The following NRG3 variants were observed in gnomAD, a reference collection of about 807,000 sequenced individuals.
The protein encoded by NRG3 is neuregulin 3.
Under a neutral mutation model 66.9 loss-of-function variants are expected in NRG3, and 31 were observed. The ratio of observed to expected loss-of-function variants is 0.46; its 90% confidence interval spans 0.35 to 0.63. NRG3 has a LOEUF of 0.63. Among genes scored for constraint, NRG3 ranks in the 20% least tolerant of loss-of-function variants. NRG3 has a pLI of 0.00. For synonymous variants in NRG3, 393 were observed against 359.4 expected (o/e 1.09, Z -1.06); for missense variants, 910 against 878.9 (o/e 1.04, Z -0.45).
At chr10:82,774,821 C>CTTT (rs992021420) in intron 3 of NRG3, among the ~76,000 whole-genome samples, 68 of 77,992 alleles carry the variant, frequency 8.7e-4, no homozygotes, top group East Asian at 2.1e-3. Flanking sequence ...TTTCTTTTTT[C>CTTT]TTTTTTTTTT....
intron 2 of NRG3, among the ~76,000 whole-genome samples, chr10:82,702,215 G>T (rs2134300424): frequency 6.6e-6 from 1 of 152,278 alleles, no homozygotes; most frequent in African/African-American, 2.4e-5. Context: ...AGTTTCTCTT[G>T]TCACACACTG....
In NRG3 at chr10:82,254,040, G is replaced by A. The variant is rs187121236; in HGVS notation, c.824-104699G>A. ...TATCACATTCACAGTTTTTCACGAA[G>A]CCCCCTCTACCCCTGTCTGTTGTGA... On this transcript the variant is annotated intron_variant, in intron 1 of 8. Coordinates refer to ENST00000372141, the MANE Select transcript of NRG3 (RefSeq NM_001010848.4). Among the ~76,000 whole-genome samples the A allele has an allele frequency of 7.8e-4, 119 of 152,234 alleles. 1 individual carries two copies. The highest frequency in any genetic ancestry group is 2.1e-3 in the Admixed American group (32 of 15,282).
intron 1 of NRG3, among the ~76,000 whole-genome samples, chr10:82,004,891 CT>C (rs1450120702): frequency 6.6e-6 from 1 of 152,174 alleles, no homozygotes; most frequent in Admixed American, 6.5e-5. Flanking sequence ...GACTTCTAGC[CT>C]CCAACATTGT....
At chr10:82,204,526 T>A (rs2075017956) in intron 1 of NRG3, among the ~76,000 whole-genome samples, 1 of 152,184 alleles carries the variant, frequency 6.6e-6, no homozygotes, top group African/African-American at 2.4e-5. Flanking sequence ...ACTGGCAGCA[T>A]GTTCCTATTA....
chr10:82,330,373 TTCTC>T (rs1293968849), intron 1 of NRG3, among the ~76,000 whole-genome samples: 2 of 144,706 alleles, frequency 1.4e-5, no homozygotes, highest in African/African-American at 2.6e-5. Flanking sequence ...TAATATGTTT[TTCTC>T]TCTATTTGTT....
chr10:82,120,993 T>C (rs996342329), intron 1 of NRG3, among the ~76,000 whole-genome samples: 2 of 152,102 alleles, frequency 1.3e-5, no homozygotes, highest in Non-Finnish European at 2.9e-5. Context: ...TTTGAAGCAG[T>C]ACGATCAAAA....
chr10:82,639,375 G>C (rs1213359319), intron 2 of NRG3, among the ~76,000 whole-genome samples: 2 of 152,054 alleles, frequency 1.3e-5, no homozygotes, highest in Non-Finnish European at 2.9e-5. Flanking sequence ...ACTTCCCAAG[G>C]CTCCACCTTT....
At chr10:82,971,009 C>A (rs557441544) in intron 6 of NRG3, among the ~76,000 whole-genome samples, 2 of 152,240 alleles carry the variant, frequency 1.3e-5, no homozygotes, top group South Asian at 4.1e-4. Flanking sequence ...GTGAGCATTT[C>A]AGGAGGCTTC....
chr10:82,357,702 C>T (rs1012775276), intron 1 of NRG3, among the ~76,000 whole-genome samples: 2 of 152,120 alleles, frequency 1.3e-5, no homozygotes, highest in Non-Finnish European at 2.9e-5. Flanking sequence ...TCCTGATTAC[C>T]TCCCAAAGGG....
intron 2 of NRG3, among the ~76,000 whole-genome samples, chr10:82,385,442 G>A (rs957707925): frequency 5.9e-5 from 9 of 152,160 alleles, no homozygotes; most frequent in African/African-American, 1.7e-4. Flanking sequence ...TACTTCTTGA[G>A]CAAATATTGT....
chr10:82,142,516 T>C (rs1053146900), intron 1 of NRG3, among the ~76,000 whole-genome samples: 2 of 152,238 alleles, frequency 1.3e-5, no homozygotes, highest in Admixed American at 6.6e-5. Flanking sequence ...TTTTCACTTA[T>C]CAGTTTACAC....
intron 1 of NRG3, among the ~76,000 whole-genome samples, chr10:82,277,567 A>T (rs1407930340): frequency 6.6e-6 from 1 of 152,026 alleles, no homozygotes; most frequent in Non-Finnish European, 1.5e-5. Flanking sequence ...AGTAGTGGCT[A>T]ATGTAACCTC....
In NRG3 at chr10:82,390,115, A is replaced by C. The variant is rs184103383; in HGVS notation, c.953+31247A>C. Among the ~76,000 whole-genome samples the C allele has an allele frequency of 2.7e-4, 41 of 152,312 alleles. No homozygotes were observed. In the South Asian group the frequency reaches 8.1e-3, roughly 30 times the overall value. On this transcript the variant is annotated intron_variant, in intron 2 of 8. Transcript: ENST00000372141. ...TTTTATGGGAATAAAACAAGAGTACAAACCTATCTGTCCACTAGTGGTATT... is the reference window on the plus strand; with the variant it reads ...TTTTATGGGAATAAAACAAGAGTACCAACCTATCTGTCCACTAGTGGTATT...
At chr10:81,877,938 CT>C in intron 1 of NRG3, 1 of 1,537,386 alleles carries the variant, frequency 6.5e-7, no homozygotes, top group Non-Finnish European at 8.7e-7. Flanking sequence ...TTGATCTGCT[CT>C]TTTGATGCAG....
chr10:81,977,620 C>T (rs998672712), intron 1 of NRG3, among the ~76,000 whole-genome samples: 4 of 152,130 alleles, frequency 2.6e-5, no homozygotes, highest in Non-Finnish European at 4.4e-5. Flanking sequence ...TTCCAAAATA[C>T]TCTTTGTCAT....
At chr10:81,910,008 A>G (rs1232951053) in intron 1 of NRG3, among the ~76,000 whole-genome samples, 1 of 152,156 alleles carries the variant, frequency 6.6e-6, no homozygotes, top group African/African-American at 2.4e-5. Context: ...ATTTTGCACT[A>G]TTGCACACTA....
chr10:82,885,449 T>A (rs17101016), intron 4 of NRG3, among the ~76,000 whole-genome samples: 34,493 of 151,992 alleles, frequency 0.23, 4,902 homozygotes, highest in East Asian at 0.53. Flanking sequence ...GAAACAGCAA[T>A]AGGATATGAA....
intron 4 of NRG3, among the ~76,000 whole-genome samples, chr10:82,894,148 A>C (rs999142902): frequency 1.3e-5 from 2 of 152,256 alleles, no homozygotes; most frequent in Non-Finnish European, 2.9e-5. Context: ...AATCTGTCAA[A>C]AACAGTACAA....
Position 82,817,188 on chromosome 10 carries a change from G to C in NRG3, c.1028-48223G>C, listed in dbSNP as rs2061748890. Among the ~76,000 whole-genome samples, 3 of 152,216 alleles carry C rather than the reference G, an allele frequency of 2.0e-5. No individual in the cohort carries two copies. In the South Asian group the frequency reaches 6.2e-4, roughly 32 times the overall value. Reference sequence around the variant, plus strand: ...GGCTTTCCAAGTAACAGCCCCTTCTGTATCATTGTGGCCTTTGGAACATTT... The same window carrying C: ...GGCTTTCCAAGTAACAGCCCCTTCTCTATCATTGTGGCCTTTGGAACATTT... On this transcript the variant is annotated intron_variant, in intron 3 of 8. Coordinates refer to ENST00000372141, the MANE Select transcript of NRG3 (RefSeq NM_001010848.4).
Sources: gnomAD v4.1 joint callset for allele counts (sites outside exome capture counted in the v4.1 genomes callset) on GRCh38, gnomAD v4.1.1 for gene constraint, MANE v1.5 for transcripts, NCBI Gene and HGNC (gene_info 2026-07-23, HGNC 2026-07-21) for gene names.